Variants in COMMD5 observed in about 807,000 individuals in gnomAD.
COMMD5 encodes COMM domain-containing protein 5.
COMMD5 carries 10 observed loss-of-function variants against 6.9 expected under a neutral mutation model. That is an observed-to-expected ratio of 1.44 (90% CI 0.89 to 2.45). The LOEUF (loss-of-function observed/expected upper bound fraction) is 2.45. Among genes scored for constraint, COMMD5 ranks in the 30% most tolerant of loss-of-function variants. COMMD5 has a pLI of 0.00. For missense variants in COMMD5, 234 were observed against 287.8 expected (o/e 0.81, Z 1.35); for synonymous variants, 127 against 125.3 (o/e 1.01, Z -0.09).
chr8:144,839,284 C>T (rs978452701), downstream of COMMD5, among the ~76,000 whole-genome samples: 2 of 152,256 alleles, frequency 1.3e-5, no homozygotes, highest in Non-Finnish European at 2.9e-5. Flanking sequence ...TGAGCCTCTT[C>T]ACGCCCTGTG....
chr8:144,847,924 T>C (rs962578384), downstream of COMMD5, among the ~76,000 whole-genome samples: 15 of 152,212 alleles, frequency 9.9e-5, no homozygotes, highest in African/African-American at 3.6e-4. Flanking sequence ...TAATGGAGAC[T>C]GGCCACTGAC....
In COMMD5 at chr8:144,850,817, C is replaced by T. The variant is rs377029070; in HGVS notation, c.522G>A (p.Pro174=). 4.0e-5 allele frequency: 64 copies of T among 1,613,898 alleles called. No homozygotes were observed. The highest frequency in any genetic ancestry group is 8.3e-5 in the Admixed American group (5 of 60,022). The change falls in exon 2 of 2, where the codon CCG becomes CCA. Residue 174 remains proline (P), a synonymous_variant. Transcript: ENST00000305103. The surrounding 1 kb of genome is among the most constrained non-coding windows in gnomAD (Gnocchi z 4.0). ...AAAGCTTCAGCTGCATCAGGACGCT[C>T]GGCTGCAGGGAGCGAGCCAGGGCAC... The part of the protein sequence containing the change: ...STSALARSLQ[P]SVLMQLKLSD...
chr8:144,843,450 T>A lies in COMMD5; in HGVS notation c.*117-1707A>T, dbSNP rs183377118. 24 of 255,208 alleles carry A rather than the reference T, an allele frequency of 9.4e-5. 1 individual carries two copies. The South Asian group carries it at 1.7e-3, about 18-fold the overall frequency. 15.8% of individuals were successfully genotyped at this position (255,208 alleles called of 1,614,324 possible). A position where few individuals can be genotyped will look rare whatever the true frequency, so the allele number is the denominator to read the frequency against. ...AAAAATACAAAAATTTAGCTGGGCG[T>A]GGTGGCAGGCACCTGTGGTCCCAGC... is the stretch of plus-strand genomic sequence containing the variant. On this transcript the variant is annotated intron_variant and NMD_transcript_variant, in intron 1 of 1. Transcript: ENST00000530332.
chr8:144,850,862 C>G lies in COMMD5; in HGVS notation c.477G>C (p.Val159=). ...GGGCACTGGTGGAGATTGCTACATC[C>G]ACCCGCCACCGAAAGTCAGCAACAT... ...LPHVADFRWR[V]DVAISTSALA... The change falls in exon 2 of 2, where the codon GTG becomes GTC. Residue 159 remains valine, a synonymous_variant. Coordinates refer to ENST00000305103, the MANE Select transcript of COMMD5 (RefSeq NM_014066.4). The surrounding 1 kb of genome is among the most constrained non-coding windows in gnomAD (Gnocchi z 4.0). The G allele has an allele frequency of 6.2e-7, 1 of 1,613,214 alleles. No homozygotes were observed.
At chr8:144,843,114 A>G (rs1563847629) in intron 1 of COMMD5, 1 of 1,611,160 alleles carries the variant, frequency 6.2e-7, no homozygotes, top group Admixed American at 1.7e-5. Flanking sequence ...ACTGTGGCAA[A>G]GCTTTTAATC....
chr8:144,844,709 C>CAAAAAAAAAAAA (rs71320849), intron 1 of COMMD5, among the ~76,000 whole-genome samples: 2 of 88,614 alleles, frequency 2.3e-5, no homozygotes, highest in African/African-American at 8.4e-5. Context: ...GACTCTGTAT[C>CAAAAAAAAAAAA]AAAAAAAAAA....
chr8:144,841,312 G>A, exon 2 of COMMD5: 1 of 1,544,360 alleles, frequency 6.5e-7, no homozygotes, highest in Non-Finnish European at 8.7e-7. Context: ...TCATTTCTCT[G>A]AGCACAGGGC....
downstream of COMMD5, among the ~76,000 whole-genome samples, chr8:144,840,372 G>A (rs773998681): frequency 6.6e-6 from 1 of 152,238 alleles, no homozygotes; most frequent in Admixed American, 6.5e-5. Flanking sequence ...GTTAGGAGTG[G>A]GCAGGAACCG....
At position 144,850,667 on chromosome 8, in the gene COMMD5, G is replaced by A; in HGVS notation, c.672C>T (p.Asp224=). ...LEKRCERRLQ[D] ...ATGGGACTGGTCAAGTGAGGGGTCA[G>A]TCCTGCAGTCTGCGCTCACACCTCT... is the stretch of plus-strand genomic sequence containing the variant. Residue 224 remains aspartate, a synonymous_variant, in exon 2 of 2, where the codon GAC becomes GAT. Transcript: ENST00000305103. The surrounding 1 kb of genome is among the most constrained non-coding windows in gnomAD (Gnocchi z 4.0). The A allele has an allele frequency of 6.2e-7, 1 of 1,612,614 alleles. No individual in the cohort carries two copies. The highest frequency in any genetic ancestry group is 8.5e-7 in the Non-Finnish European group (1 of 1,179,686).
intron 1 of COMMD5, chr8:144,852,624 A>G (rs1359229112): frequency 1.6e-4 from 24 of 152,366 alleles, no homozygotes; most frequent in Admixed American, 1.6e-3. Flanking sequence ...CGCCAGCACC[A>G]GGAGCTCCTT....
In COMMD5 at chr8:144,850,567, G is replaced by A; in HGVS notation, c.*97C>T. ...ACTCACTGAAGAGCCTGCCTCATGG[G>A]AAGGGCAGGGCTGTCGTGGGAAGAG... On this transcript the variant is annotated 3_prime_UTR_variant, in exon 2 of 2. Transcript: ENST00000305103. This position sits in a 1 kb window ranked among gnomAD's most constrained non-coding sequence, Gnocchi z 4.0. 2 of 1,290,858 alleles carry A rather than the reference G, an allele frequency of 1.5e-6. No individual in the cohort carries two copies. The highest frequency in any genetic ancestry group is 2.5e-5 in the Admixed American group (1 of 40,592). The allele number at this position is 1,290,858 out of a possible 1,614,324, so 80.0% of individuals were successfully genotyped here.
At chr8:144,844,810 G>C (rs1476030364) in intron 1 of COMMD5, among the ~76,000 whole-genome samples, 1 of 151,904 alleles carries the variant, frequency 6.6e-6, no homozygotes, top group Admixed American at 6.6e-5. Context: ...TGATGAGAGG[G>C]AGTGGGGAAA....
intron 1 of COMMD5, among the ~76,000 whole-genome samples, chr8:144,844,962 G>A (rs1291242320): frequency 6.6e-6 from 1 of 151,982 alleles, no homozygotes; most frequent in Non-Finnish European, 1.5e-5. Context: ...GTAGGGAAAA[G>A]AACTTGAGCT....
chr8:144,847,848 CA>C (rs1455959529), downstream of COMMD5, among the ~76,000 whole-genome samples: 2 of 152,128 alleles, frequency 1.3e-5, no homozygotes, highest in Admixed American at 1.3e-4. Context: ...GTTCTCTGTG[CA>C]AGGCCTTGTG....
upstream of COMMD5, chr8:144,853,238 A>AAAGAAGGC: frequency 6.6e-6 from 1 of 152,238 alleles, no homozygotes; most frequent in South Asian, 2.1e-4. Context: ...CCCCAAAGAA[A>AAAGAAGGC]AAGAAGGCGG....
At chr8:144,839,510 A>G (rs1829574410), downstream of COMMD5, among the ~76,000 whole-genome samples, 1 of 152,262 alleles carries the variant, frequency 6.6e-6, no homozygotes, top group Admixed American at 6.5e-5. Flanking sequence ...GCCATGGCAG[A>G]AAAGCCAGCT....
intron 1 of COMMD5, among the ~76,000 whole-genome samples, chr8:144,844,662 T>A (rs1261136537): frequency 7.5e-6 from 1 of 133,466 alleles, no homozygotes; most frequent in Non-Finnish European, 1.5e-5. Context: ...TGAGCCAAGA[T>A]CACGCCACTG....
Position 144,850,692 on chromosome 8 carries a change from T to C in COMMD5, c.647A>G (p.Lys216Arg). The change falls in exon 2 of 2, where the codon AAG (lysine) becomes AGG (arginine). Residue 216 changes from lysine (K) to arginine (R), a missense_variant. Physicochemically the swap from Lys to Arg is conservative, Grantham distance 26. Transcript: ENST00000305103. This position sits in a 1 kb window ranked among gnomAD's most constrained non-coding sequence, Gnocchi z 4.0. Reference sequence around the variant, plus strand: ...GTCCTGCAGTCTGCGCTCACACCTCTTCTCCAGATCTGCCATCTCCTTTAG... The same window carrying C: ...GTCCTGCAGTCTGCGCTCACACCTCCTCTCCAGATCTGCCATCTCCTTTAG... ...LVLKEMADLEKRCERRLQD is the reference protein window; with the variant it reads ...LVLKEMADLERRCERRLQD 2 of 1,613,868 alleles carry C rather than the reference T, an allele frequency of 1.2e-6. No homozygotes were observed. Among genetic ancestry groups the C allele is most frequent in the South Asian group, 2.2e-5 (2 of 91,064 alleles).
downstream of COMMD5, among the ~76,000 whole-genome samples, chr8:144,839,824 C>T (rs1260498360): frequency 6.6e-6 from 1 of 152,248 alleles, no homozygotes; most frequent in Non-Finnish European, 1.5e-5. Flanking sequence ...GCGGCCAGGT[C>T]CCAGCTGTGC....
Sources: gnomAD v4.1 joint callset for allele counts (sites outside exome capture counted in the v4.1 genomes callset) on GRCh38, gnomAD v4.1.1 for gene constraint, Gnocchi (gnomAD v3.1) non-coding constraint, MANE v1.5 for transcripts, NCBI Gene and HGNC (gene_info 2026-07-23, HGNC 2026-07-21) for gene names.